Variants in KRABD5 observed in about 807,000 individuals in gnomAD.
KRABD5 encodes the protein KRAB domain containing 5.
At chr16:31,723,226 C>A in the KRABD5 span, 1 of 1,600,928 alleles carries the variant, frequency 6.2e-7, no homozygotes, top group Non-Finnish European at 8.5e-7. Flanking sequence ...GAACTCCCAG[C>A]AAGAGTCATG....
chr16:31,750,179 C>G, the KRABD5 span, among the ~76,000 whole-genome samples: 1 of 152,020 alleles, frequency 6.6e-6, no homozygotes, highest in Non-Finnish European at 1.5e-5. Context: ...AATGTTTTTC[C>G]AGTTGTTTGT....
chr16:31,713,351 A>G, the KRABD5 span: 3 of 1,557,264 alleles, frequency 1.9e-6, no homozygotes, highest in Non-Finnish European at 2.6e-6. Flanking sequence ...TTCTGAGAAT[A>G]GACAGAACCT....
At chr16:31,753,423 C>T in the KRABD5 span, among the ~76,000 whole-genome samples, 1,550 of 152,288 alleles carry the variant, frequency 0.01, 10 homozygotes, top group Middle Eastern at 0.017. Flanking sequence ...GAACTTTGGA[C>T]ATATGTTTTG....
chr16:31,725,994 GT>G, the KRABD5 span, among the ~76,000 whole-genome samples: 4 of 152,102 alleles, frequency 2.6e-5, no homozygotes, highest in Non-Finnish European at 4.4e-5. Context: ...GCTTGTTTTT[GT>G]TTTTGTTTTT....
At chr16:31,724,779 T>TA in the KRABD5 span, among the ~76,000 whole-genome samples, 2 of 152,176 alleles carry the variant, frequency 1.3e-5, no homozygotes, top group Non-Finnish European at 2.9e-5. Flanking sequence ...CATAATGCTT[T>TA]ACATTAGATC....
chr16:31,751,005 C>T, the KRABD5 span, among the ~76,000 whole-genome samples: 2 of 152,206 alleles, frequency 1.3e-5, no homozygotes, highest in African/African-American at 2.4e-5. Context: ...GGTGATCCAC[C>T]GGCCTCGGCC....
the KRABD5 span, among the ~76,000 whole-genome samples, chr16:31,751,730 C>T: frequency 2.0e-5 from 3 of 152,126 alleles, no homozygotes; most frequent in Non-Finnish European, 2.9e-5. Context: ...TTTGGTTTTG[C>T]TGATGCTTTG....
At chr16:31,754,604 A>G in the KRABD5 span, 4 of 479,162 alleles carry the variant, frequency 8.3e-6, no homozygotes, top group South Asian at 3.1e-5. Context: ...CCATCAGAGT[A>G]TCTTTATTCA....
chr16:31,713,266 T>C, the KRABD5 span: 32 of 884,440 alleles, frequency 3.6e-5, no homozygotes, highest in African/African-American at 4.9e-4. Context: ...TGGCCTTTGT[T>C]GGCTGCAGTA....
chr16:31,733,722 A>T, the KRABD5 span: 1 of 426,846 alleles, frequency 2.3e-6, no homozygotes, highest in Non-Finnish European at 4.8e-6. Context: ...ACTTGTCAAA[A>T]TGTCTCTGAT....
chr16:31,733,677 C>T, the KRABD5 span: 4 of 454,746 alleles, frequency 8.8e-6, no homozygotes, highest in South Asian at 3.1e-5. Context: ...CTTATTTCAC[C>T]TGACATAATG....
the KRABD5 span, chr16:31,759,098 A>G: frequency 1.4e-5 from 5 of 345,838 alleles, no homozygotes; most frequent in Non-Finnish European, 2.2e-5. Context: ...AGTGTAATGT[A>G]AATGCTAAAA....
At chr16:31,746,976 A>G in the KRABD5 span, among the ~76,000 whole-genome samples, 3 of 145,992 alleles carry the variant, frequency 2.1e-5, no homozygotes, top group African/African-American at 7.6e-5. Context: ...CAGGTCATTT[A>G]TGTTTCTGTT....
At chr16:31,745,801 C>A in the KRABD5 span, among the ~76,000 whole-genome samples, 1 of 152,080 alleles carries the variant, frequency 6.6e-6, no homozygotes, top group Non-Finnish European at 1.5e-5. Flanking sequence ...TATGGGTGTT[C>A]CTGTATTGGG....
the KRABD5 span, among the ~76,000 whole-genome samples, chr16:31,722,433 T>A: frequency 6.6e-6 from 1 of 152,244 alleles, no homozygotes; most frequent in African/African-American, 2.4e-5. Context: ...TTGTGGATTT[T>A]GTATCATTCT....
chr16:31,759,172 A>C, the KRABD5 span: 6 of 555,302 alleles, frequency 1.1e-5, no homozygotes, highest in Admixed American at 1.1e-4. Flanking sequence ...ATAATAGCCC[A>C]AAACAGGAAA....
At chr16:31,758,387 AAAAT>A in the KRABD5 span, 1 of 152,198 alleles carries the variant, frequency 6.6e-6, no homozygotes, top group Admixed American at 6.5e-5. Context: ...TGGATAATGC[AAAAT>A]AAATCAACAC....
At chr16:31,727,837 ACT>A in the KRABD5 span, among the ~76,000 whole-genome samples, 6 of 151,262 alleles carry the variant, frequency 4.0e-5, no homozygotes, top group Non-Finnish European at 1.5e-5. Flanking sequence ...AGTTGTAATG[ACT>A]CATCCTTCTT....
At chr16:31,713,303 C>A in the KRABD5 span, 1 of 1,314,676 alleles carries the variant, frequency 7.6e-7, no homozygotes, top group African/African-American at 1.5e-5. Context: ...ACCAGGGGCT[C>A]CCAGTCCTTC....
Sources: allele counts gnomAD v4.1 joint callset (sites outside exome capture counted in the v4.1 genomes callset), GRCh38; gene constraint gnomAD v4.1.1; transcripts MANE v1.5; gene names NCBI Gene and HGNC (gene_info 2026-07-23, HGNC 2026-07-21).